The following STK32B variants were observed in gnomAD, a reference collection of about 807,000 sequenced individuals.
STK32B encodes serine/threonine-protein kinase 32B.
Under a neutral mutation model 52.6 loss-of-function variants are expected in STK32B, and 43 were observed. The observed-to-expected ratio is 0.82, with a 90% confidence interval of 0.64 to 1.05. STK32B has a LOEUF of 1.05. Ranked by LOEUF, STK32B falls within the 50% of genes least tolerant of loss-of-function variation. The pLI, the probability that STK32B is intolerant of heterozygous loss-of-function variation, is 0.00. For synonymous variants in STK32B, 238 were observed against 204.3 expected (o/e 1.17, Z -1.41); for missense variants, 621 against 534.6 (o/e 1.16, Z -1.59).
intron 3 of STK32B, among the ~76,000 whole-genome samples, chr4:5,188,709 A>G (rs1231288959): frequency 1.3e-5 from 2 of 151,678 alleles, no homozygotes; most frequent in African/African-American, 4.8e-5. Flanking sequence ...TTTATTTTCT[A>G]TGCCCCTTTC....
At position 5,368,825 on chromosome 4, in the gene STK32B, A is replaced by G. The variant is rs1735039792; in HGVS notation, c.435-29382A>G. Among the ~76,000 whole-genome samples the G allele has an allele frequency of 3.3e-5, 5 of 152,154 alleles. No homozygotes were observed. The South Asian group carries it at 1.0e-3, about 32-fold the overall frequency. ...TGTGCAAGCCCAGCTAAATGCTTTC[A>G]TATGCTCCGCAGGAAGCTCATTCAT... is the stretch of plus-strand genomic sequence containing the variant. On this transcript the variant is annotated intron_variant, in intron 4 of 11. Transcript: ENST00000282908.
At chr4:5,107,907 G>A (rs764541240) in intron 1 of STK32B, among the ~76,000 whole-genome samples, 21 of 151,840 alleles carry the variant, frequency 1.4e-4, no homozygotes, top group African/African-American at 3.9e-4. Flanking sequence ...TTATTAAAAC[G>A]TAGCAAACAC....
intron 1 of STK32B, among the ~76,000 whole-genome samples, chr4:5,083,954 C>T (rs1487909488): frequency 1.3e-5 from 2 of 152,156 alleles, no homozygotes; most frequent in Admixed American, 1.3e-4. Context: ...CCAGGCTAGT[C>T]TTGAACTCCT....
chr4:5,310,940 T>G (rs72616106), intron 3 of STK32B, among the ~76,000 whole-genome samples: 1 of 151,972 alleles, frequency 6.6e-6, no homozygotes, highest in African/African-American at 2.4e-5. Flanking sequence ...CCAGGCACAG[T>G]AAAGAAAATG....
In STK32B at chr4:5,413,398, C is replaced by G. The variant is rs927214955; in HGVS notation, c.473-3447C>G. Among the ~76,000 whole-genome samples the G allele has an allele frequency of 5.9e-5, 9 of 152,304 alleles. No homozygotes were observed. In the South Asian group the frequency reaches 1.9e-3, roughly 32 times the overall value. ...TTGATCAGGCTCTGGCACCATTTCT[C>G]TGCTATACTTGAAGCTCTGCCTTCT... On this transcript the variant is annotated intron_variant, in intron 5 of 11. Transcript: ENST00000282908.
At chr4:5,494,615 A>G (rs540417899) in intron 11 of STK32B, among the ~76,000 whole-genome samples, 9,995 of 152,180 alleles carry the variant, frequency 0.066, 357 homozygotes, top group African/African-American at 0.1. Flanking sequence ...TGATCCTGTC[A>G]TGATGATGTT....
chr4:5,233,505 G>A (rs777361397), intron 3 of STK32B, among the ~76,000 whole-genome samples: 1 of 152,106 alleles, frequency 6.6e-6, no homozygotes, highest in Admixed American at 6.5e-5. Context: ...CCAAGTTCAA[G>A]TAGAGGGGAC....
chr4:5,415,156 C>G (rs888845972), intron 5 of STK32B, among the ~76,000 whole-genome samples: 1 of 152,164 alleles, frequency 6.6e-6, no homozygotes, highest in South Asian at 2.1e-4. Flanking sequence ...GGGTTTTGAG[C>G]CACTCCTCGG....
At chr4:5,279,404 G>A (rs957725190) in intron 3 of STK32B, among the ~76,000 whole-genome samples, 1 of 152,034 alleles carries the variant, frequency 6.6e-6, no homozygotes, top group Non-Finnish European at 1.5e-5. Flanking sequence ...TTCACATCCA[G>A]GCCACACTGA....
chr4:5,276,697 C>G (rs28520378), intron 3 of STK32B, among the ~76,000 whole-genome samples: 3 of 151,944 alleles, frequency 2.0e-5, no homozygotes, highest in Non-Finnish European at 4.4e-5. Flanking sequence ...CTTTTCATCA[C>G]GAGGCTGAGA....
intron 3 of STK32B, among the ~76,000 whole-genome samples, chr4:5,328,238 A>T (rs1732003875): frequency 6.6e-6 from 1 of 152,200 alleles, no homozygotes; most frequent in Non-Finnish European, 1.5e-5. Flanking sequence ...TTCATGTCTT[A>T]CATGCGTTCA....
chr4:5,189,833 G>A (rs879313677), intron 3 of STK32B, among the ~76,000 whole-genome samples: 1 of 152,142 alleles, frequency 6.6e-6, no homozygotes, highest in Non-Finnish European at 1.5e-5. Flanking sequence ...GGAGTTGTCA[G>A]TGTTTGGATT....
chr4:5,203,324 TCTC>T (rs1722302276), intron 3 of STK32B, among the ~76,000 whole-genome samples: 2 of 152,280 alleles, frequency 1.3e-5, no homozygotes, highest in South Asian at 2.1e-4. Context: ...TCATTCATCT[TCTC>T]ATTCATTCAT....
chr4:5,246,722 T>C (rs939936810), intron 3 of STK32B, among the ~76,000 whole-genome samples: 1 of 152,230 alleles, frequency 6.6e-6, no homozygotes, highest in Non-Finnish European at 1.5e-5. Flanking sequence ...CTTTGGTCTT[T>C]GATGATGGTG....
intron 3 of STK32B, among the ~76,000 whole-genome samples, chr4:5,320,279 A>G (rs1731401942): frequency 1.3e-5 from 2 of 152,138 alleles, no homozygotes; most frequent in Admixed American, 6.5e-5. Flanking sequence ...TAGGTGTTCA[A>G]CAAACATTCA....
At chr4:5,183,897 AAG>A (rs1266826714) in intron 3 of STK32B, among the ~76,000 whole-genome samples, 8 of 152,134 alleles carry the variant, frequency 5.3e-5, no homozygotes, top group Non-Finnish European at 1.0e-4. Flanking sequence ...CATAAAATTG[AAG>A]AGAGTTGGGA....
intron 3 of STK32B, among the ~76,000 whole-genome samples, chr4:5,174,411 A>G (rs1310018278): frequency 2.6e-5 from 4 of 152,182 alleles, no homozygotes; most frequent in East Asian, 1.9e-4. Context: ...GGTCTTTACA[A>G]TTTGGCATGT....
intron 1 of STK32B, among the ~76,000 whole-genome samples, chr4:5,102,724 G>T (rs1224919620): frequency 5.3e-5 from 8 of 150,316 alleles, no homozygotes; most frequent in African/African-American, 2.0e-4. Flanking sequence ...TTAATTTTTA[G>T]TAGAGATACG....
intron 3 of STK32B, among the ~76,000 whole-genome samples, chr4:5,259,124 C>T (rs1191160002): frequency 1.3e-5 from 2 of 152,186 alleles, no homozygotes; most frequent in Non-Finnish European, 2.9e-5. Flanking sequence ...CTGGCAACCT[C>T]ATCTAAAATT....
Sources: gnomAD v4.1 joint callset for allele counts (sites outside exome capture counted in the v4.1 genomes callset) on GRCh38, gnomAD v4.1.1 for gene constraint, MANE v1.5 for transcripts, NCBI Gene and HGNC (gene_info 2026-07-23, HGNC 2026-07-21) for gene names.